The following MAST2 variants were observed in gnomAD, a reference collection of about 807,000 sequenced individuals.
The protein encoded by MAST2 is microtubule associated serine/threonine kinase 2.
In MAST2, 70 loss-of-function variants were observed where a neutral mutation model predicts 147.4. The observed-to-expected ratio is 0.47, with a 90% CI of 0.39 to 0.58. The LOEUF (loss-of-function observed/expected upper bound fraction) is 0.58. MAST2 is among the 20% of genes least tolerant of loss of function. The probability of loss-of-function intolerance (pLI) is 0.00; values close to 1 mark genes in which losing one functional copy is unlikely to be tolerated. For missense variants in MAST2, 2,080 were observed against 2,302.3 expected (o/e 0.90, Z 1.98); for synonymous variants, 869 against 896.8 (o/e 0.97, Z 0.55).
intron 4 of MAST2, among the ~76,000 whole-genome samples, chr1:45,953,496 G>A (rs1002762556): frequency 1.3e-5 from 2 of 152,214 alleles, no homozygotes; most frequent in African/African-American, 4.8e-5. Context: ...CATAGTTTAT[G>A]TAGTATGTTA....
intron 15 of MAST2, among the ~76,000 whole-genome samples, chr1:46,025,217 G>A (rs1231143768): frequency 6.6e-6 from 1 of 152,204 alleles, no homozygotes; most frequent in Non-Finnish European, 1.5e-5. Context: ...TACTCGGGAG[G>A]CTGAGGCAGG....
intron 3 of MAST2, among the ~76,000 whole-genome samples, chr1:45,835,873 C>G (rs1324616552): frequency 6.6e-6 from 1 of 152,080 alleles, no homozygotes; most frequent in African/African-American, 2.4e-5. Flanking sequence ...CCCTTTTGTG[C>G]CTGGCTTTTT....
At chr1:45,814,651 G>A (rs1390097902) in intron 1 of MAST2, among the ~76,000 whole-genome samples, 1 of 152,148 alleles carries the variant, frequency 6.6e-6, no homozygotes, top group Non-Finnish European at 1.5e-5. Flanking sequence ...GCCCAGCGTG[G>A]TGGCGCACGC....
intron 4 of MAST2, among the ~76,000 whole-genome samples, chr1:45,894,245 GTTTTA>G (rs1011523012): frequency 7.3e-5 from 11 of 151,564 alleles, no homozygotes; most frequent in Non-Finnish European, 1.5e-4. Context: ...TACACTGAAA[GTTTTA>G]TTTTATTATT....
chr1:45,855,502 G>A (rs1645758547), intron 3 of MAST2, among the ~76,000 whole-genome samples: 1 of 151,864 alleles, frequency 6.6e-6, no homozygotes, highest in South Asian at 2.1e-4. Flanking sequence ...TTTTCATGCT[G>A]CTTGCCAGGA....
chr1:46,017,882 G>A (rs1236526600), intron 10 of MAST2, among the ~76,000 whole-genome samples: 4 of 152,086 alleles, frequency 2.6e-5, no homozygotes, highest in East Asian at 1.9e-4. Flanking sequence ...TGTTTATTGC[G>A]GCACTATTCA....
At chr1:46,005,101 G>A (rs1395168984) in intron 7 of MAST2, among the ~76,000 whole-genome samples, 2 of 152,278 alleles carry the variant, frequency 1.3e-5, no homozygotes, top group East Asian at 1.9e-4. Context: ...GGTGGCTCAC[G>A]CCTGTAATCC....
intron 4 of MAST2, among the ~76,000 whole-genome samples, chr1:45,918,028 G>A (rs1318153986): frequency 1.3e-5 from 2 of 152,198 alleles, no homozygotes; most frequent in African/African-American, 2.4e-5. Flanking sequence ...AAACAAAGCA[G>A]TGAACATAAA....
intron 4 of MAST2, among the ~76,000 whole-genome samples, chr1:45,951,335 C>G (rs770373082): frequency 1.5e-4 from 23 of 152,070 alleles, no homozygotes; most frequent in African/African-American, 2.2e-4. Context: ...GTAATCCCAG[C>G]AGTTTGGGAG....
chr1:46,013,256 T>C (rs889269474), intron 10 of MAST2, among the ~76,000 whole-genome samples: 2 of 152,318 alleles, frequency 1.3e-5, no homozygotes, highest in Non-Finnish European at 2.9e-5. Flanking sequence ...CTGATTTTTT[T>C]AAGTAGCAAA....
At chr1:45,830,269 G>C (rs918826388) in intron 3 of MAST2, among the ~76,000 whole-genome samples, 2 of 142,824 alleles carry the variant, frequency 1.4e-5, no homozygotes, top group Non-Finnish European at 3.0e-5. Flanking sequence ...CTGTCTCCCA[G>C]GTTCAAGTGA....
intron 3 of MAST2, among the ~76,000 whole-genome samples, chr1:45,870,529 T>C (rs919889129): frequency 2.7e-5 from 4 of 150,654 alleles, no homozygotes; most frequent in Admixed American, 1.3e-4. Context: ...TATATATATA[T>C]ATAAAATTTT....
chr1:45,889,387 A>G (rs1253302800), intron 4 of MAST2, among the ~76,000 whole-genome samples: 1 of 151,050 alleles, frequency 6.6e-6, no homozygotes, highest in East Asian at 2.0e-4. Context: ...GGGTTTTGCC[A>G]TGTTGCCCTG....
rs1368769028 is a variant in MAST2 at position 45,976,971 on chromosome 1, A to G, written c.592+17494A>G. Among the ~76,000 whole-genome samples the G allele has an allele frequency of 2.0e-5, 3 of 152,226 alleles. No homozygotes were observed. In the East Asian group the frequency reaches 5.8e-4, roughly 29 times the overall value. On this transcript the variant is annotated intron_variant, in intron 5 of 28. Transcript: ENST00000361297. Reference sequence around the variant, plus strand: ...CTTGATTTATGACAAAAGTGGCACTATAGAGCTGTAGGCAAAATCCATTGG... The same window carrying G: ...CTTGATTTATGACAAAAGTGGCACTGTAGAGCTGTAGGCAAAATCCATTGG...
intron 4 of MAST2, among the ~76,000 whole-genome samples, chr1:45,895,747 CA>C (rs1253779355): frequency 1.3e-5 from 2 of 152,110 alleles, no homozygotes; most frequent in African/African-American, 4.8e-5. Context: ...AGCATATCAT[CA>C]AAGAGAGAAA....
At chr1:45,855,324 G>A (rs976652532) in intron 3 of MAST2, among the ~76,000 whole-genome samples, 1 of 77,176 alleles carries the variant, frequency 1.3e-5, no homozygotes, top group African/African-American at 6.0e-5. Flanking sequence ...AAGTTTTGAG[G>A]AGAAATGGCT....
intron 5 of MAST2, among the ~76,000 whole-genome samples, chr1:45,980,141 C>G (rs1644341594): frequency 6.6e-6 from 1 of 151,928 alleles, no homozygotes; most frequent in Non-Finnish European, 1.5e-5. Flanking sequence ...AAAAATTAGC[C>G]TGGTGTCATG....
intron 4 of MAST2, among the ~76,000 whole-genome samples, chr1:45,939,988 T>TTTTTTGTTTTTTTTGTTTTTTTTG (rs1656960727): frequency 2.3e-5 from 3 of 130,774 alleles, no homozygotes; most frequent in East Asian, 2.3e-4. Flanking sequence ...GGGTTTTTTT[T>TTTTTTGTTTTTTTTGTTTTTTTTG]TTTTTTTTTT....
intron 4 of MAST2, among the ~76,000 whole-genome samples, chr1:45,943,739 T>A (rs956508463): frequency 4.6e-5 from 7 of 151,922 alleles, no homozygotes; most frequent in African/African-American, 1.7e-4. Flanking sequence ...AGAGCAAAAC[T>A]CTGTCTCAAA....
Sources: allele counts gnomAD v4.1 joint callset (sites outside exome capture counted in the v4.1 genomes callset), GRCh38; gene constraint gnomAD v4.1.1; transcripts MANE v1.5; gene names NCBI Gene and HGNC (gene_info 2026-07-23, HGNC 2026-07-21).